The following STRBP variants were observed in gnomAD, a reference collection of about 807,000 sequenced individuals.
The protein encoded by STRBP is spermatid perinuclear RNA binding protein.
Under a neutral mutation model 80.1 loss-of-function variants are expected in STRBP, and 13 were observed. The observed-to-expected ratio is 0.16, with a 90% CI of 0.11 to 0.26. The LOEUF (loss-of-function observed/expected upper bound fraction) is 0.26, where lower values mean the gene tolerates loss of function less well. Ranked by LOEUF, STRBP falls within the 10% of genes least tolerant of loss-of-function variation. STRBP has a pLI of 1.00. For synonymous variants in STRBP, 284 were observed against 291.2 expected (o/e 0.98, Z 0.25); for missense variants, 485 against 815.2 (o/e 0.59, Z 4.93).
At chr9:123,201,006 T>C (rs2039306736) in intron 2 of STRBP, among the ~76,000 whole-genome samples, 1 of 152,070 alleles carries the variant, frequency 6.6e-6, no homozygotes, top group South Asian at 2.1e-4. Context: ...CTCTGGCTTT[T>C]CTAGTTTGTG....
intron 1 of STRBP, among the ~76,000 whole-genome samples, chr9:123,260,957 T>C (rs745808061): frequency 3.3e-5 from 5 of 152,248 alleles, no homozygotes; most frequent in Admixed American, 6.5e-5. Flanking sequence ...ATATGCTTTA[T>C]AGCTTCCAAA....
intron 2 of STRBP, among the ~76,000 whole-genome samples, chr9:123,223,778 T>C (rs550181831): frequency 1.4e-4 from 21 of 152,302 alleles, no homozygotes; most frequent in African/African-American, 5.1e-4. Flanking sequence ...TCTTGATTCT[T>C]AGTATTTATT....
chr9:123,128,128 A>T, intron 18 of STRBP, 86 bp downstream of exon 18: 1 of 1,502,614 alleles, frequency 6.7e-7, no homozygotes, highest in Non-Finnish European at 9.2e-7. Context: ...TCCTCCAATT[A>T]ATTTACAAAA....
chr9:123,152,744 G>A (rs2037111567), intron 11 of STRBP, among the ~76,000 whole-genome samples: 1 of 152,124 alleles, frequency 6.6e-6, no homozygotes, highest in Non-Finnish European at 1.5e-5. Flanking sequence ...GAGAGAGGCG[G>A]GTACGACTAT....
chr9:123,265,319 G>C (rs1588169827), intron 1 of STRBP, among the ~76,000 whole-genome samples: 1 of 152,162 alleles, frequency 6.6e-6, no homozygotes, highest in East Asian at 1.9e-4. Flanking sequence ...TACAATGGCT[G>C]CATTAAGATA....
chr9:123,260,635 G>A (rs1284299644), intron 1 of STRBP, among the ~76,000 whole-genome samples: 1 of 152,118 alleles, frequency 6.6e-6, no homozygotes, highest in South Asian at 2.1e-4. Context: ...TTGTGGTTAC[G>A]TGGTTTTTTT....
chr9:123,244,236 T>C (rs1054688364), intron 1 of STRBP, among the ~76,000 whole-genome samples: 1 of 152,154 alleles, frequency 6.6e-6, no homozygotes, highest in Non-Finnish European at 1.5e-5. Flanking sequence ...CTTTCAACTA[T>C]ATGACATTCT....
chr9:123,120,458 G>T (rs2035712518), downstream of STRBP, among the ~76,000 whole-genome samples: 1 of 120,984 alleles, frequency 8.3e-6, no homozygotes. Flanking sequence ...TAGGGCTCTG[G>T]ATTGCTTGAA....
At chr9:123,227,136 C>T (rs994612807) in intron 2 of STRBP, among the ~76,000 whole-genome samples, 2 of 152,190 alleles carry the variant, frequency 1.3e-5, no homozygotes, top group African/African-American at 4.8e-5. Context: ...TTGGGAGACG[C>T]ATTCAAACCA....
chr9:123,128,078 A>G lies in STRBP; in HGVS notation c.1942+136T>C, dbSNP rs78181876. 7,482 of 1,090,364 alleles carry G rather than the reference A, an allele frequency of 6.9e-3. 355 individuals carry two copies. The African/African-American group carries it at 0.1, about 15-fold the overall frequency. The allele number at this position is 1,090,364 out of a possible 1,614,324, so 67.5% of individuals were successfully genotyped here. A position where few individuals can be genotyped will look rare whatever the true frequency, so the allele number is the denominator to read the frequency against. ...ACCACAAGGTTGTGGCATTTTCAAA[A>G]GGAATTTAAGTTGGGTCACTAGAAT... On this transcript the variant is annotated intron_variant, in intron 18 of 18. Transcript: ENST00000348403.
At chr9:123,111,590 A>G (rs1311698048) in intron 3 of STRBP, 4 of 479,720 alleles carry the variant, frequency 8.3e-6, no homozygotes, top group South Asian at 6.2e-5. Context: ...AAGTAACTCC[A>G]CTGCCTGACA....
Position 123,155,430 on chromosome 9 carries a change from T to C in STRBP, c.1045+2582A>G, listed in dbSNP as rs1000592988. 5.3e-5 allele frequency among the ~76,000 whole-genome samples: 8 copies of C among 151,236 alleles called. No homozygotes were observed. The East Asian group carries it at 1.6e-3, about 30-fold the overall frequency. On this transcript the variant is annotated intron_variant, in intron 11 of 18. Coordinates refer to ENST00000348403, the MANE Select transcript of STRBP (RefSeq NM_018387.5). ...CAACCCAGTACAGACACAGAGAAGG[T>C]AGAGAGATGGATTTCAACCAGTTAG...
chr9:123,257,305 A>G (rs780480254), intron 1 of STRBP, among the ~76,000 whole-genome samples: 18 of 152,102 alleles, frequency 1.2e-4, no homozygotes, highest in Non-Finnish European at 1.8e-4. Flanking sequence ...ACTACACACT[A>G]CACACACCCT....
intron 1 of STRBP, among the ~76,000 whole-genome samples, chr9:123,239,024 A>T (rs958074642): frequency 6.6e-6 from 1 of 152,210 alleles, no homozygotes; most frequent in Non-Finnish European, 1.5e-5. Flanking sequence ...AGTGGCAGTA[A>T]CATTTATGCT....
chr9:123,166,754 GCAA>G (rs72023338), intron 6 of STRBP, among the ~76,000 whole-genome samples: 10,875 of 147,216 alleles, frequency 0.074, 1,350 homozygotes, highest in East Asian at 0.55. Flanking sequence ...ACTGTCTCCA[GCAA>G]CAACAACAAC....
intron 2 of STRBP, among the ~76,000 whole-genome samples, chr9:123,198,755 C>T (rs1271487308): frequency 6.6e-6 from 1 of 152,104 alleles, no homozygotes; most frequent in African/African-American, 2.4e-5. Context: ...CTTGTTCCAT[C>T]TTGATTTTTG....
intron 11 of STRBP, among the ~76,000 whole-genome samples, chr9:123,150,856 T>G (rs2037027551): frequency 6.6e-6 from 1 of 152,174 alleles, no homozygotes; most frequent in African/African-American, 2.4e-5. Context: ...GAAATATTTC[T>G]TCATCCTTGT....
intron 2 of STRBP, among the ~76,000 whole-genome samples, chr9:123,202,124 T>C (rs1360828989): frequency 6.6e-6 from 1 of 152,202 alleles, no homozygotes; most frequent in Non-Finnish European, 1.5e-5. Flanking sequence ...CCTTCTCTGT[T>C]AGGTGAGTTT....
chr9:123,179,013 T>C lies in STRBP; in HGVS notation c.218A>G (p.Tyr73Cys). The C allele has an allele frequency of 6.2e-7, 1 of 1,614,112 alleles. No individual in the cohort carries two copies. The highest frequency in any genetic ancestry group is 8.5e-7 in the Non-Finnish European group (1 of 1,179,976). ...EVKKDEAGEN[Y>C]SKDQGGRTLC... ...GAGGTCAGTCCACACTCACTTGGAA[T>C]AGTTTTCTCCGGCCTCATCTTTCTT... Residue 73 changes from tyrosine to cysteine, a missense_variant, in exon 4 of 19, where the codon TAT (tyrosine) becomes TGT (cysteine). Physicochemically the swap from Tyr to Cys is radical, Grantham distance 194 (BLOSUM62 -2). This residue lies in a region of STRBP where 377 missense variants were observed against 616.1 expected (regional missense o/e 0.61). Coordinates refer to ENST00000348403, the MANE Select transcript of STRBP (RefSeq NM_018387.5).
Sources: allele counts gnomAD v4.1 joint callset (sites outside exome capture counted in the v4.1 genomes callset), GRCh38; gene constraint gnomAD v4.1.1; regional missense constraint gnomAD v4.1.1; transcripts MANE v1.5; gene names NCBI Gene and HGNC (gene_info 2026-07-23, HGNC 2026-07-21).